SCMH1: variants seen among roughly 807,000 people sequenced by gnomAD.
SCMH1 encodes the protein Scm polycomb group protein homolog 1.
A neutral mutation model predicts 70.8 loss-of-function variants in SCMH1; 37 were observed. The observed-to-expected ratio is 0.52, with a 90% confidence interval of 0.40 to 0.69. The LOEUF (loss-of-function observed/expected upper bound fraction) is 0.69. SCMH1 is among the 30% of genes least tolerant of loss of function. The pLI is 0.00. For synonymous variants in SCMH1, 292 were observed against 307.4 expected (o/e 0.95, Z 0.52); for missense variants, 607 against 827.3 (o/e 0.73, Z 3.27).
intron 2 of SCMH1, among the ~76,000 whole-genome samples, chr1:41,179,661 C>A (rs980695672): frequency 3.9e-5 from 6 of 152,034 alleles, no homozygotes; most frequent in African/African-American, 1.4e-4. Context: ...AAGACTAAAC[C>A]AGGAAGAAGT....
At chr1:41,052,917 C>CTTTTTTT (rs113009874) in intron 10 of SCMH1, among the ~76,000 whole-genome samples, 4 of 134,802 alleles carry the variant, frequency 3.0e-5, no homozygotes, top group Non-Finnish European at 3.1e-5. Flanking sequence ...AAATTGTAGG[C>CTTTTTTT]TTTTTTTTTT....
intron 6 of SCMH1, among the ~76,000 whole-genome samples, chr1:41,128,512 C>T (rs538009979): frequency 3.3e-4 from 50 of 152,116 alleles, no homozygotes; most frequent in East Asian, 2.4e-3. Flanking sequence ...CTGTTTCTGA[C>T]GAGAAGTTGC....
At chr1:41,087,579 A>C (rs1037741781) in intron 8 of SCMH1, among the ~76,000 whole-genome samples, 6 of 152,140 alleles carry the variant, frequency 3.9e-5, no homozygotes, top group African/African-American at 1.4e-4. Context: ...TTCACTCATA[A>C]AAAGAGAAAT....
chr1:41,070,764 C>A, intron 9 of SCMH1, 43 bp from the exon 10 acceptor site: 1 of 1,608,890 alleles, frequency 6.2e-7, no homozygotes, highest in Non-Finnish European at 8.5e-7. Flanking sequence ...CATGACAGGT[C>A]TTTTCATTCC....
chr1:41,175,460 G>T (rs1411852433), intron 2 of SCMH1, among the ~76,000 whole-genome samples: 2 of 152,140 alleles, frequency 1.3e-5, no homozygotes, highest in African/African-American at 4.8e-5. Flanking sequence ...TATATCATGG[G>T]ATTTCTCAGC....
chr1:41,193,231 C>A (rs1652167047), intron 1 of SCMH1, among the ~76,000 whole-genome samples: 1 of 152,166 alleles, frequency 6.6e-6, no homozygotes, highest in Non-Finnish European at 1.5e-5. Context: ...GTCAGTCTCC[C>A]ACTTAGAATA....
intron 2 of SCMH1, among the ~76,000 whole-genome samples, chr1:41,181,991 C>T (rs1475262451): frequency 1.3e-5 from 2 of 152,158 alleles, no homozygotes; most frequent in African/African-American, 2.4e-5. Flanking sequence ...AAATGTGGCA[C>T]ATATACACCA....
At chr1:41,135,502 C>A (rs1643145276) in intron 6 of SCMH1, among the ~76,000 whole-genome samples, 1 of 152,130 alleles carries the variant, frequency 6.6e-6, no homozygotes, top group Non-Finnish European at 1.5e-5. Context: ...TCCTGCTGCC[C>A]TGTGAAGAAG....
Position 41,179,743 on chromosome 1 carries a change from G to A in SCMH1, c.13+6378C>T, listed in dbSNP as rs530787897. On this transcript the variant is annotated intron_variant, in intron 2 of 14. Transcript: ENST00000337495. The stretch of plus-strand genomic sequence containing the variant: ...ATTAATAGCTTACCAACGAAAAAAA[G>A]TCCTGGACCAGATGGATTCACAGCC... Among the ~76,000 whole-genome samples the A allele has an allele frequency of 3.3e-5, 5 of 152,266 alleles. No individual in the cohort carries two copies. In the East Asian group the frequency reaches 9.6e-4, roughly 29 times the overall value.
At chr1:41,195,897 A>C (rs979274459) in intron 1 of SCMH1, among the ~76,000 whole-genome samples, 1 of 152,202 alleles carries the variant, frequency 6.6e-6, no homozygotes, top group African/African-American at 2.4e-5. Flanking sequence ...CACAAAGTTT[A>C]GTTGCATTTC....
chr1:41,224,340 A>T (rs1406255047), intron 1 of SCMH1, among the ~76,000 whole-genome samples: 1 of 152,164 alleles, frequency 6.6e-6, no homozygotes, highest in Non-Finnish European at 1.5e-5. Flanking sequence ...CCTGTATCTA[A>T]CACATGGTGA....
chr1:41,075,482 C>T (rs1398325652), intron 8 of SCMH1, 31 bp from the exon 9 acceptor site: 7 of 1,565,004 alleles, frequency 4.5e-6, no homozygotes, highest in South Asian at 1.1e-5. Flanking sequence ...CTATCACCCT[C>T]CCTCCCCCCT....
At chr1:41,095,217 T>C (rs577634457) in intron 8 of SCMH1, among the ~76,000 whole-genome samples, 2 of 152,368 alleles carry the variant, frequency 1.3e-5, no homozygotes, top group South Asian at 2.1e-4. Flanking sequence ...ATGTAACCCA[T>C]ACTCTAGCAT....
chr1:41,067,978 CTA>C (rs1304782146), intron 10 of SCMH1, among the ~76,000 whole-genome samples: 1 of 152,102 alleles, frequency 6.6e-6, no homozygotes, highest in Non-Finnish European at 1.5e-5. Flanking sequence ...AAATAAAAGT[CTA>C]TTAAAAAATT....
chr1:41,139,736 T>A (rs1280703080), intron 6 of SCMH1, among the ~76,000 whole-genome samples: 1 of 152,122 alleles, frequency 6.6e-6, no homozygotes, highest in Non-Finnish European at 1.5e-5. Flanking sequence ...AAATTTTTTA[T>A]AAAATTGAAT....
exon 6 of SCMH1, chr1:41,142,974 C>T (rs1644236308): frequency 6.2e-7 from 1 of 1,614,082 alleles, no homozygotes; most frequent in Non-Finnish European, 8.5e-7. Context: ...TTTTTGTTGT[C>T]GCTCCCATCA....
chr1:41,094,547 A>G (rs1329862475), intron 8 of SCMH1, among the ~76,000 whole-genome samples: 1 of 152,146 alleles, frequency 6.6e-6, no homozygotes, highest in African/African-American at 2.4e-5. Flanking sequence ...CTTTACTAAG[A>G]AAGAATTTCT....
At chr1:41,068,877 G>A (rs947333784) in intron 10 of SCMH1, among the ~76,000 whole-genome samples, 32 of 152,152 alleles carry the variant, frequency 2.1e-4, no homozygotes, top group African/African-American at 7.7e-4. Context: ...AAAGACCTTG[G>A]AAAGAGCAAA....
chr1:41,085,182 G>T (rs1016129019), intron 8 of SCMH1, among the ~76,000 whole-genome samples: 1 of 151,394 alleles, frequency 6.6e-6, no homozygotes, highest in Non-Finnish European at 1.5e-5. Flanking sequence ...AAGAAAAAGA[G>T]TTAAGAGACT....
Sources: allele counts gnomAD v4.1 joint callset (sites outside exome capture counted in the v4.1 genomes callset), GRCh38; gene constraint gnomAD v4.1.1; transcripts MANE v1.5; gene names NCBI Gene and HGNC (gene_info 2026-07-23, HGNC 2026-07-21).